PGAP2: variants seen among roughly 807,000 people sequenced by gnomAD.
PGAP2 encodes the protein post-GPI attachment to proteins 2, also known as acyltransferase PGAP2.
In PGAP2, 21 loss-of-function variants were observed where a neutral mutation model predicts 33.2. That is an observed-to-expected ratio of 0.63 (90% CI 0.45 to 0.91). PGAP2 has a LOEUF of 0.91. Ranked by LOEUF, PGAP2 falls within the 40% of genes least tolerant of loss-of-function variation. The pLI is 0.00. For synonymous variants in PGAP2, 161 were observed against 172.9 expected (o/e 0.93, Z 0.54); for missense variants, 345 against 424.0 (o/e 0.81, Z 1.64).
chr11:3,807,198 G>A (rs1444606025), upstream of PGAP2, among the ~76,000 whole-genome samples: 2 of 150,006 alleles, frequency 1.3e-5, no homozygotes, highest in Non-Finnish European at 3.0e-5. Context: ...TTAGCTGGGC[G>A]CAGTAGCGGG....
At chr11:3,824,679 T>C (rs2089676304) in intron 5 of PGAP2, 3 of 774,598 alleles carry the variant, frequency 3.9e-6, no homozygotes, top group African/African-American at 1.8e-5. Flanking sequence ...GTCAGAGGAC[T>C]GGTCTGTCAT....
Position 3,817,531 on chromosome 11 carries a change from G to A in PGAP2, c.344G>A (p.Cys115Tyr). The change falls in exon 3 of 7, where the codon TGT becomes TAT. Residue 115 changes from cysteine to tyrosine, a missense_variant. Physicochemically the swap from Cys to Tyr is radical, Grantham distance 194. This residue lies in a region of PGAP2 where 311 missense variants were observed against 353.6 expected (regional missense o/e 0.88). Transcript: ENST00000278243. ...TTTGAGTACACGGTGGCCACTGACT[G>A]TGGGGTGAGTGCCAGCTCCCCAGCC... Reference protein sequence around the residue: ...FHFEYTVATDCGVPNYLPSVS... With the variant: ...FHFEYTVATDYGVPNYLPSVS... 1 of 1,613,778 alleles carries A rather than the reference G, an allele frequency of 6.2e-7. No individual in the cohort carries two copies. The highest frequency in any genetic ancestry group is 1.1e-5 in the South Asian group (1 of 91,084).
intron 3 of PGAP2, chr11:3,823,603 C>T: frequency 5.9e-6 from 9 of 1,536,008 alleles, no homozygotes; most frequent in Non-Finnish European, 7.8e-6. Flanking sequence ...TACACATTGA[C>T]CAAACACAGG....
chr11:3,806,688 T>C (rs1276429375), upstream of PGAP2, among the ~76,000 whole-genome samples: 3 of 152,360 alleles, frequency 2.0e-5, no homozygotes, highest in East Asian at 5.8e-4. Context: ...GCTGTGTAAG[T>C]AGGTAACTTG....
chr11:3,808,262 C>T, upstream of PGAP2: 1 of 1,551,130 alleles, frequency 6.4e-7, no homozygotes, highest in Non-Finnish European at 8.7e-7. Flanking sequence ...AAATCCGGCC[C>T]CTGTTGAATT....
upstream of PGAP2, chr11:3,808,322 C>G (rs1564988214): frequency 1.9e-6 from 3 of 1,551,408 alleles, no homozygotes; most frequent in Non-Finnish European, 2.6e-6. Context: ...AGAGGTAAGG[C>G]GACAAGGTGG....
Position 3,802,076 on chromosome 11 carries a change from CTT to C in PGAP2, c.139+4107_139+4108del, listed in dbSNP as rs3061897. ...TTTTCTTTTATTTCTTTTCCTTTTCCTTTTTTTTTTTTTTGCTATAAAATGGT... is the reference window on the plus strand; with the variant it reads ...TTTTCTTTTATTTCTTTTCCTTTTCCTTTTTTTTTTTTGCTATAAAATGGT... On this transcript the variant is annotated intron_variant, in intron 1 of 6. Coordinates refer to the PGAP2 transcript ENST00000300730. Among the ~76,000 whole-genome samples the C allele has an allele frequency of 1.1e-3, 157 of 137,138 alleles. 2 individuals are homozygous for C. The highest frequency in any genetic ancestry group is 3.5e-3 in the African/African-American group (129 of 37,092). 90.0% of individuals were successfully genotyped at this position (137,138 alleles called of 152,430 possible).
intron 3 of PGAP2, chr11:3,817,873 G>A (rs544558279): frequency 6.8e-5 from 33 of 488,042 alleles, no homozygotes; most frequent in Non-Finnish European, 1.2e-4. Context: ...GTGAAACCCC[G>A]TCTGTACAAA....
chr11:3,822,131 G>A (rs113490081), intron 3 of PGAP2, among the ~76,000 whole-genome samples: 6,789 of 151,408 alleles, frequency 0.045, 492 homozygotes, highest in African/African-American at 0.15. Context: ...TTGGGAGGCC[G>A]AGGTGGGCGG....
chr11:3,807,176 A>G (rs1273228281), upstream of PGAP2, among the ~76,000 whole-genome samples: 2 of 149,120 alleles, frequency 1.3e-5, no homozygotes, highest in African/African-American at 5.0e-5. Flanking sequence ...CCTCTACTAA[A>G]AACTACAAAA....
chr11:3,805,740 G>A (rs1165094106), upstream of PGAP2, among the ~76,000 whole-genome samples: 1 of 151,564 alleles, frequency 6.6e-6, no homozygotes, highest in Non-Finnish European at 1.5e-5. Context: ...AGGCTGGAGT[G>A]CAGTGGCGCG....
chr11:3,812,537 G>T (rs191159899), intron 2 of PGAP2, among the ~76,000 whole-genome samples: 1 of 152,226 alleles, frequency 6.6e-6, no homozygotes, highest in East Asian at 1.9e-4. Flanking sequence ...ATGATGAAAT[G>T]TGAGGAGCAG....
chr11:3,807,925 G>A, upstream of PGAP2: 2 of 536,404 alleles, frequency 3.7e-6, no homozygotes, highest in Non-Finnish European at 2.6e-6. Context: ...CTGGCAGCTG[G>A]TTTTGGGGGA....
upstream of PGAP2, among the ~76,000 whole-genome samples, chr11:3,807,678 C>G (rs138529188): frequency 3.2e-3 from 487 of 152,174 alleles, 2 homozygotes; most frequent in South Asian, 0.027. Context: ...ACTGGGTGTT[C>G]AGAATGTGTT....
intron 5 of PGAP2, 136 bp downstream of exon 5, chr11:3,824,512 G>T: frequency 7.3e-7 from 1 of 1,369,922 alleles, no homozygotes; most frequent in Non-Finnish European, 1.0e-6. Flanking sequence ...TGGGGTTGGG[G>T]CTGGGGCTTG....
chr11:3,824,176 G>C (rs1359063660), intron 4 of PGAP2, 41 bp downstream of exon 4: 41 of 1,612,988 alleles, frequency 2.5e-5, no homozygotes, highest in Non-Finnish European at 3.3e-5. Context: ...AGTGTTCCCT[G>C]AGGGGACGGG....
At chr11:3,809,600 G>A (rs1398075010) in intron 1 of PGAP2, among the ~76,000 whole-genome samples, 1 of 152,220 alleles carries the variant, frequency 6.6e-6, no homozygotes, top group Non-Finnish European at 1.5e-5. Context: ...GAGGGATACT[G>A]GGAGGGAAGA....
chr11:3,823,024 CTTT>C (rs746736798), intron 3 of PGAP2: 3,574 of 305,570 alleles, frequency 0.012, no homozygotes, highest in South Asian at 0.02. Flanking sequence ...TTTTTCTTTT[CTTT>C]TTTTTTTTTT....
At chr11:3,820,660 C>CAA (rs112247155) in intron 3 of PGAP2, among the ~76,000 whole-genome samples, 33 of 141,684 alleles carry the variant, frequency 2.3e-4, no homozygotes, top group African/African-American at 8.3e-4. Context: ...AACTCCATCT[C>CAA]AAAAAAAAAA....
Sources: gnomAD v4.1 joint callset for allele counts (sites outside exome capture counted in the v4.1 genomes callset) on GRCh38, gnomAD v4.1.1 for gene constraint, gnomAD v4.1.1 regional missense constraint, MANE v1.5 for transcripts, NCBI Gene and HGNC (gene_info 2026-07-23, HGNC 2026-07-21) for gene names.